The following ARHGAP26 variants were observed in gnomAD, a reference collection of about 807,000 sequenced individuals.
ARHGAP26 encodes the protein Rho GTPase activating protein 26.
In ARHGAP26, 38 loss-of-function variants were observed where a neutral mutation model predicts 104.8. That is an observed-to-expected ratio of 0.36 (90% confidence interval 0.28 to 0.48). ARHGAP26 has a LOEUF of 0.48. ARHGAP26 is among the 20% of genes least tolerant of loss of function. The pLI is 0.99. For synonymous variants in ARHGAP26, 341 were observed against 340.0 expected (o/e 1.00, Z -0.03); for missense variants, 704 against 947.9 (o/e 0.74, Z 3.38).
At chr5:143,041,992 G>A (rs1019931308) in intron 14 of ARHGAP26, 102 bp downstream of exon 14, 18 of 999,446 alleles carry the variant, frequency 1.8e-5, no homozygotes, top group Non-Finnish European at 2.5e-5. Context: ...CAAAGGAATC[G>A]GGGTGTCCGT....
intron 11 of ARHGAP26, among the ~76,000 whole-genome samples, chr5:142,960,960 C>T (rs1036220782): frequency 6.6e-6 from 1 of 152,204 alleles, no homozygotes; most frequent in African/African-American, 2.4e-5. Flanking sequence ...TCAGAGAGGG[C>T]TTTCCTGATT....
At chr5:142,881,405 C>T (rs774220467) in intron 4 of ARHGAP26, among the ~76,000 whole-genome samples, 1 of 152,154 alleles carries the variant, frequency 6.6e-6, no homozygotes, top group African/African-American at 2.4e-5. Context: ...ATAGGAGGAG[C>T]TACTGTCCCC....
At chr5:142,959,461 A>G (rs957015980) in intron 11 of ARHGAP26, among the ~76,000 whole-genome samples, 1 of 152,114 alleles carries the variant, frequency 6.6e-6, no homozygotes, top group Non-Finnish European at 1.5e-5. Context: ...TTTTCCAAAC[A>G]CATGCCTGTG....
chr5:143,082,137 T>G (rs1461478638), intron 17 of ARHGAP26, among the ~76,000 whole-genome samples: 1 of 152,206 alleles, frequency 6.6e-6, no homozygotes, highest in Admixed American at 6.5e-5. Context: ...GGTCTTGCTT[T>G]GCTATTTATA....
At chr5:142,861,146 G>T (rs983849943) in intron 1 of ARHGAP26, among the ~76,000 whole-genome samples, 1 of 152,140 alleles carries the variant, frequency 6.6e-6, no homozygotes, top group East Asian at 1.9e-4. Flanking sequence ...GGTGCAGAGT[G>T]GGGAGGCGGG....
chr5:142,919,462 T>C (rs917295785), intron 10 of ARHGAP26: 17 of 398,390 alleles, frequency 4.3e-5, no homozygotes, highest in Non-Finnish European at 7.1e-5. Flanking sequence ...TTTGTGGCAC[T>C]TTGTTACGGC....
chr5:142,792,339 C>T (rs1760025035), intron 1 of ARHGAP26, among the ~76,000 whole-genome samples: 1 of 152,188 alleles, frequency 6.6e-6, no homozygotes, highest in African/African-American at 2.4e-5. Context: ...ATTTTTTAGG[C>T]TTGCTAAGTA....
At chr5:143,013,183 C>T (rs1396431741) in intron 11 of ARHGAP26, among the ~76,000 whole-genome samples, 1 of 152,156 alleles carries the variant, frequency 6.6e-6, no homozygotes, top group Non-Finnish European at 1.5e-5. Flanking sequence ...AAAACTTATT[C>T]TTCTGATTAG....
chr5:142,994,848 T>C (rs554109704), intron 11 of ARHGAP26, among the ~76,000 whole-genome samples: 2 of 152,320 alleles, frequency 1.3e-5, no homozygotes, highest in South Asian at 4.1e-4. Context: ...GATGGGGTAA[T>C]GAGGCACAGA....
chr5:143,079,642 T>C (rs182103128), intron 17 of ARHGAP26, among the ~76,000 whole-genome samples: 22 of 152,318 alleles, frequency 1.4e-4, no homozygotes. Flanking sequence ...ATATTTACCT[T>C]GTTCAGGTCT....
At chr5:143,085,783 T>C (rs1213112284) in intron 17 of ARHGAP26, among the ~76,000 whole-genome samples, 1 of 152,230 alleles carries the variant, frequency 6.6e-6, no homozygotes, top group African/African-American at 2.4e-5. Context: ...CTGAAGTGGC[T>C]GTGGGTACGA....
chr5:142,810,815 A>G (rs1365178625), intron 1 of ARHGAP26, among the ~76,000 whole-genome samples: 1 of 152,260 alleles, frequency 6.6e-6, no homozygotes, highest in Non-Finnish European at 1.5e-5. Context: ...AATTCGCCCA[A>G]AATAGTAAGT....
intron 7 of ARHGAP26, among the ~76,000 whole-genome samples, chr5:142,902,715 G>A (rs750213365): frequency 6.6e-6 from 1 of 152,218 alleles, no homozygotes; most frequent in Non-Finnish European, 1.5e-5. Context: ...GGTTTTAGAA[G>A]CCTGGAGGTT....
chr5:142,784,015 G>A (rs911567267), intron 1 of ARHGAP26, among the ~76,000 whole-genome samples: 2 of 152,196 alleles, frequency 1.3e-5, no homozygotes, highest in Non-Finnish European at 2.9e-5. Flanking sequence ...CTCAGCATCC[G>A]TAGGCTTCGG....
chr5:142,797,563 C>T (rs963703100), intron 1 of ARHGAP26, among the ~76,000 whole-genome samples: 1 of 152,138 alleles, frequency 6.6e-6, no homozygotes, highest in Non-Finnish European at 1.5e-5. Context: ...GCTCACCCTA[C>T]GTGGTTGCTT....
Position 142,848,513 on chromosome 5 carries a change from C to T in ARHGAP26, c.155-24887C>T, listed in dbSNP as rs371937568. On this transcript the variant is annotated intron_variant, in intron 1 of 22. Coordinates refer to ENST00000645722, the MANE Select transcript of ARHGAP26 (RefSeq NM_001135608.3). The stretch of plus-strand genomic sequence containing the variant: ...TTCTCACCATAGGTGGTTCTCCAGC[C>T]TTGGCACATCAGCTGAGTGCAGGCG... 3.9e-4 allele frequency among the ~76,000 whole-genome samples: 59 copies of T among 152,198 alleles called. No homozygotes were observed. In the South Asian group the frequency reaches 0.011, roughly 27 times the overall value.
At chr5:142,926,764 T>G (rs891973350) in intron 10 of ARHGAP26, among the ~76,000 whole-genome samples, 2 of 152,146 alleles carry the variant, frequency 1.3e-5, no homozygotes, top group South Asian at 2.1e-4. Context: ...GGGTTGTTTC[T>G]TTTCCCTTTG....
At chr5:142,858,061 C>CTGTGTGTG (rs746146391) in intron 1 of ARHGAP26, among the ~76,000 whole-genome samples, 8,762 of 134,108 alleles carry the variant, frequency 0.065, 314 homozygotes, top group Middle Eastern at 0.14. Context: ...GAGAGAGAAT[C>CTGTGTGTG]TGTGTGTGTG....
intron 10 of ARHGAP26, among the ~76,000 whole-genome samples, chr5:142,917,255 T>G (rs1762604270): frequency 6.6e-6 from 1 of 152,138 alleles, no homozygotes; most frequent in Non-Finnish European, 1.5e-5. Context: ...ACCAGGCTGG[T>G]CTTGAACTAC....
Sources: allele counts gnomAD v4.1 joint callset (sites outside exome capture counted in the v4.1 genomes callset), GRCh38; gene constraint gnomAD v4.1.1; transcripts MANE v1.5; gene names NCBI Gene and HGNC (gene_info 2026-07-23, HGNC 2026-07-21).